VTI1A: variants seen among roughly 807,000 people sequenced by gnomAD.
VTI1A encodes the protein vesicle transport through interaction with t-SNAREs homolog 1A.
In VTI1A, 22 loss-of-function variants were observed where a neutral mutation model predicts 34.9. The observed-to-expected ratio is 0.63, with a 90% CI of 0.45 to 0.90. VTI1A has a LOEUF of 0.90. VTI1A is among the 40% of genes least tolerant of loss of function. The pLI is 0.00. For synonymous variants in VTI1A, 87 were observed against 97.3 expected (o/e 0.89, Z 0.62); for missense variants, 268 against 275.6 (o/e 0.97, Z 0.20).
rs1218146757 is a variant in VTI1A, at chr10:112,764,147, T to C, written c.561-51143T>C. Among the ~76,000 whole-genome samples, 3 of 152,196 alleles carry C rather than the reference T, an allele frequency of 2.0e-5. No homozygotes were observed. In the East Asian group the frequency reaches 5.8e-4, roughly 29 times the overall value. ...GGATGGCGGCCCCCATTCATGGACATGGCGCCCTCTGGAATCCTTAGTTAA... is the reference window on the plus strand; with the variant it reads ...GGATGGCGGCCCCCATTCATGGACACGGCGCCCTCTGGAATCCTTAGTTAA... On this transcript the variant is annotated intron_variant, in intron 7 of 7. Coordinates refer to ENST00000393077, the MANE Select transcript of VTI1A (RefSeq NM_145206.4).
chr10:112,546,449 A>G (rs918072418), intron 5 of VTI1A, among the ~76,000 whole-genome samples: 2 of 152,090 alleles, frequency 1.3e-5, no homozygotes, highest in East Asian at 1.9e-4. Context: ...TCCCTATGAA[A>G]TAATTAATAT....
At chr10:112,606,541 A>AT (rs1279474017) in intron 5 of VTI1A, among the ~76,000 whole-genome samples, 1 of 152,106 alleles carries the variant, frequency 6.6e-6, no homozygotes, top group Non-Finnish European at 1.5e-5. Flanking sequence ...TAATGTCTGC[A>AT]TTTCCCCATC....
chr10:112,784,898 A>G (rs11196107), intron 7 of VTI1A, among the ~76,000 whole-genome samples: 11,568 of 152,236 alleles, frequency 0.076, 599 homozygotes, highest in East Asian at 0.25. Context: ...TAAAAGGTCC[A>G]TCGTACGTAT....
At chr10:112,719,505 T>C (rs1849721991) in intron 7 of VTI1A, among the ~76,000 whole-genome samples, 1 of 152,200 alleles carries the variant, frequency 6.6e-6, no homozygotes, top group African/African-American at 2.4e-5. Flanking sequence ...GCTGTTAGGA[T>C]ATTCACTGCA....
intron 5 of VTI1A, among the ~76,000 whole-genome samples, chr10:112,610,221 C>T (rs1268867662): frequency 1.3e-5 from 2 of 151,302 alleles, no homozygotes; most frequent in Admixed American, 1.3e-4. Context: ...CCATTTAGGA[C>T]CACACTGTGG....
At chr10:112,637,860 G>C (rs1846418976) in intron 5 of VTI1A, among the ~76,000 whole-genome samples, 1 of 152,182 alleles carries the variant, frequency 6.6e-6, no homozygotes, top group South Asian at 2.1e-4. Flanking sequence ...GTGGATTAGG[G>C]AGTAAAATGG....
chr10:112,835,340 A>G, the VTI1A span, among the ~76,000 whole-genome samples: 1 of 152,212 alleles, frequency 6.6e-6, no homozygotes, highest in Non-Finnish European at 1.5e-5. Context: ...TGAAAAGAGA[A>G]TTAAGAGCTT....
chr10:112,546,130 CAT>C (rs146117779), intron 5 of VTI1A, among the ~76,000 whole-genome samples: 136,138 of 144,658 alleles, frequency 0.94, 64,234 homozygotes, highest in African/African-American at 0.96. Flanking sequence ...GTGTATTTTG[CAT>C]ATATATGTGT....
At chr10:112,568,510 C>CA (rs1039608202) in intron 5 of VTI1A, among the ~76,000 whole-genome samples, 67 of 140,546 alleles carry the variant, frequency 4.8e-4, no homozygotes, top group Middle Eastern at 3.6e-3. Flanking sequence ...GTCTCCATCT[C>CA]AAAAAAAAAA....
At chr10:112,703,973 A>G (rs937156976) in intron 7 of VTI1A, among the ~76,000 whole-genome samples, 2 of 152,212 alleles carry the variant, frequency 1.3e-5, no homozygotes, top group East Asian at 1.9e-4. Flanking sequence ...TTATTAATGT[A>G]TTTTTTGATA....
chr10:112,600,806 G>T (rs1037568639), intron 5 of VTI1A, among the ~76,000 whole-genome samples: 1 of 152,226 alleles, frequency 6.6e-6, no homozygotes, highest in Non-Finnish European at 1.5e-5. Context: ...TTTAATGTTT[G>T]ATGTGAATTA....
chr10:112,505,677 A>AT (rs112379213), intron 3 of VTI1A, among the ~76,000 whole-genome samples: 8,673 of 143,424 alleles, frequency 0.06, 315 homozygotes, highest in African/African-American at 0.1. Context: ...AAATCACATA[A>AT]TTTTTTTTTT....
intron 7 of VTI1A, among the ~76,000 whole-genome samples, chr10:112,686,536 T>C (rs986573677): frequency 3.3e-5 from 5 of 152,182 alleles, no homozygotes; most frequent in African/African-American, 4.8e-5. Flanking sequence ...TTATTGATGA[T>C]TTACTGACAC....
intron 3 of VTI1A, among the ~76,000 whole-genome samples, chr10:112,478,623 T>C (rs796882588): frequency 6.6e-6 from 1 of 152,220 alleles, no homozygotes; most frequent in South Asian, 2.1e-4. Flanking sequence ...GCTTTTGTAT[T>C]CTAGCACATT....
intron 5 of VTI1A, among the ~76,000 whole-genome samples, chr10:112,620,526 C>G (rs1282463072): frequency 6.6e-6 from 1 of 152,092 alleles, no homozygotes; most frequent in Non-Finnish European, 1.5e-5. Flanking sequence ...CGCGGTGGCT[C>G]ACGTCTGTAA....
intron 7 of VTI1A, among the ~76,000 whole-genome samples, chr10:112,768,724 C>T (rs1851717002): frequency 6.6e-6 from 1 of 152,122 alleles, no homozygotes; most frequent in South Asian, 2.1e-4. Context: ...CAGAGCATTA[C>T]TAGGGCAATT....
At chr10:112,788,400 T>C (rs943999000) in intron 7 of VTI1A, among the ~76,000 whole-genome samples, 3 of 152,226 alleles carry the variant, frequency 2.0e-5, no homozygotes, top group Non-Finnish European at 2.9e-5. Context: ...TGAAACATCC[T>C]TTTTTGTTCC....
chr10:112,690,635 A>G (rs1485795725), intron 7 of VTI1A, among the ~76,000 whole-genome samples: 1 of 152,226 alleles, frequency 6.6e-6, no homozygotes, highest in Non-Finnish European at 1.5e-5. Flanking sequence ...CCATCTTGCC[A>G]TTTATAAGCT....
intron 5 of VTI1A, among the ~76,000 whole-genome samples, chr10:112,611,003 T>A (rs1478068857): frequency 6.6e-6 from 1 of 152,066 alleles, no homozygotes; most frequent in African/African-American, 2.4e-5. Flanking sequence ...GAAATGAAAA[T>A]GTCTATCAGT....
Sources: allele counts gnomAD v4.1 joint callset (sites outside exome capture counted in the v4.1 genomes callset), GRCh38; gene constraint gnomAD v4.1.1; transcripts MANE v1.5; gene names NCBI Gene and HGNC (gene_info 2026-07-23, HGNC 2026-07-21).